The following RBL2 variants were observed in gnomAD, a reference collection of about 807,000 sequenced individuals.
RBL2 encodes the protein RB transcriptional corepressor like 2, also known as retinoblastoma-like protein 2.
Under a neutral mutation model 126.0 loss-of-function variants are expected in RBL2, and 56 were observed. The ratio of observed to expected loss-of-function variants is 0.44; its 90% CI spans 0.36 to 0.56. The LOEUF (loss-of-function observed/expected upper bound fraction) is 0.56, where lower values mean the gene tolerates loss of function less well. Ranked by LOEUF, RBL2 falls within the 20% of genes least tolerant of loss-of-function variation. The pLI, the probability that RBL2 is intolerant of heterozygous loss-of-function variation, is 0.00. For missense variants in RBL2, 1,229 were observed against 1,398.2 expected (o/e 0.88, Z 1.93); for synonymous variants, 454 against 478.5 (o/e 0.95, Z 0.67).
chr16:53,488,344 A>C (rs1278624670), intron 21 of RBL2: 2 of 152,256 alleles, frequency 1.3e-5, no homozygotes, highest in South Asian at 4.1e-4. Context: ...GGAAAAGGCA[A>C]AACTATTGGA....
chr16:53,458,307 T>C (rs1270855537), intron 8 of RBL2, among the ~76,000 whole-genome samples: 1 of 152,230 alleles, frequency 6.6e-6, no homozygotes, highest in Non-Finnish European at 1.5e-5. Flanking sequence ...TTAAAAGACA[T>C]TGTTAAGCTA....
chr16:53,466,329 A>G (rs181717423), intron 13 of RBL2, among the ~76,000 whole-genome samples: 79 of 152,096 alleles, frequency 5.2e-4, no homozygotes, highest in African/African-American at 1.5e-3. Flanking sequence ...ATGGAAGACA[A>G]TTTTTCCATG....
chr16:53,459,474 A>G lies in RBL2; in HGVS notation c.1203A>G (p.Thr401=). Residue 401 remains threonine (T), a synonymous_variant, in exon 9 of 22, where the codon ACA becomes ACG. Coordinates refer to ENST00000262133, the MANE Select transcript of RBL2 (RefSeq NM_005611.4). ...FDKSKALRIS[T]PLTGVRYIKE... ...AGTCCAAAGCACTTAGAATCTCCACACCACTAACTGGTGTTAGGTACATTA... is the reference window on the plus strand; with the variant it reads ...AGTCCAAAGCACTTAGAATCTCCACGCCACTAACTGGTGTTAGGTACATTA... The G allele has an allele frequency of 6.2e-7, 1 of 1,613,076 alleles. No homozygotes were observed. The highest frequency in any genetic ancestry group is 8.5e-7 in the Non-Finnish European group (1 of 1,179,558).
At position 53,479,968 on chromosome 16, in the gene RBL2, C is replaced by A; in HGVS notation, c.2858C>A (p.Pro953Gln). ...SSDSRSHQNSPTELNKDRTSR... is the reference protein window; with the variant it reads ...SSDSRSHQNSQTELNKDRTSR... ...GATAGCAGAAGCCATCAGAATTCTC[C>A]AACAGAACTAAACAAAGATAGAAGT... Residue 953 changes from proline to glutamine, a missense_variant, in exon 19 of 22, where the codon CCA (proline) becomes CAA (glutamine). Coordinates refer to ENST00000262133, the MANE Select transcript of RBL2 (RefSeq NM_005611.4). 1 of 1,605,750 alleles carries A rather than the reference C, an allele frequency of 6.2e-7. No homozygotes were observed. The highest frequency in any genetic ancestry group is 8.5e-7 in the Non-Finnish European group (1 of 1,174,974).
intron 21 of RBL2, among the ~76,000 whole-genome samples, chr16:53,482,899 C>T (rs544480556): frequency 9.0e-4 from 136 of 150,880 alleles, no homozygotes; most frequent in African/African-American, 3.1e-3. Flanking sequence ...GGTAAGAGGA[C>T]GGGGAAGGTA....
In RBL2 at chr16:53,490,233, G is replaced by T; in HGVS notation, c.3353G>T (p.Cys1118Phe). Residue 1118 changes from cysteine to phenylalanine, a missense_variant, in exon 22 of 22, where the codon TGC becomes TTC. Coordinates refer to ENST00000262133, the MANE Select transcript of RBL2 (RefSeq NM_005611.4). ...AGTGAATCACCTGCAAAAAGAATTT[G>T]CCCAGAAAATCATTCTGCCTTATTA... Reference protein sequence around the residue: ...DGSESPAKRICPENHSALLRR... With the variant: ...DGSESPAKRIFPENHSALLRR... 1 of 1,612,550 alleles carries T rather than the reference G, an allele frequency of 6.2e-7. No individual in the cohort carries two copies. Among genetic ancestry groups the T allele is most frequent in the South Asian group, 1.1e-5 (1 of 90,746 alleles).
intron 2 of RBL2, among the ~76,000 whole-genome samples, chr16:53,440,405 G>A (rs1011850807): frequency 1.3e-5 from 2 of 152,014 alleles, no homozygotes; most frequent in Admixed American, 1.3e-4. Flanking sequence ...CAAAGAATCA[G>A]TATCTAGAAT....
intron 3 of RBL2, among the ~76,000 whole-genome samples, chr16:53,446,230 C>T (rs1307100143): frequency 1.3e-5 from 2 of 152,148 alleles, no homozygotes; most frequent in South Asian, 2.1e-4. Context: ...CTTTTAAAAG[C>T]AGAACACTGA....
At chr16:53,447,238 T>C (rs1022427010) in intron 4 of RBL2, 132 bp downstream of exon 4, 2 of 488,614 alleles carry the variant, frequency 4.1e-6, no homozygotes, top group Non-Finnish European at 7.2e-6. Context: ...TAATCCTAGA[T>C]TCTTTTTTAA....
intron 12 of RBL2, chr16:53,464,610 A>G (rs927592086): frequency 3.3e-6 from 1 of 301,584 alleles, no homozygotes; most frequent in African/African-American, 2.2e-5. Flanking sequence ...TTTTTAGAAT[A>G]CTGTGATTTT....
chr16:53,483,254 A>G (rs1010285680), intron 21 of RBL2, among the ~76,000 whole-genome samples: 2 of 152,166 alleles, frequency 1.3e-5, no homozygotes, highest in Non-Finnish European at 2.9e-5. Context: ...TAGGCTTGCA[A>G]TCTTTTAAAA....
At chr16:53,463,669 A>G (rs537365457) in intron 11 of RBL2, among the ~76,000 whole-genome samples, 86 of 146,310 alleles carry the variant, frequency 5.9e-4, no homozygotes, top group African/African-American at 2.2e-3. Context: ...CCTGGGTTCA[A>G]TTGCTTCTCC....
intron 21 of RBL2, among the ~76,000 whole-genome samples, chr16:53,483,926 T>TAAA (rs77395902): frequency 2.7e-4 from 36 of 130,998 alleles, no homozygotes; most frequent in African/African-American, 8.8e-4. Flanking sequence ...CCTATCATAG[T>TAAA]AAAAAAAAAA....
In RBL2 at chr16:53,470,423, C is replaced by T. The variant is rs747889495; in HGVS notation, c.2286C>T (p.Val762=). Residue 762 remains valine (V), a synonymous_variant, in exon 16 of 22, where the codon GTC becomes GTT. Coordinates refer to ENST00000262133, the MANE Select transcript of RBL2 (RefSeq NM_005611.4). ...NENGGITFFP[V]QVNVGGQAQA... Reference sequence around the variant, plus strand: ...ATGGAGGGATAACATTCTTCCCTGTCCAAGTCAATGTTGGGGGGCAGGCAC... The same window carrying T: ...ATGGAGGGATAACATTCTTCCCTGTTCAAGTCAATGTTGGGGGGCAGGCAC... The T allele has an allele frequency of 5.8e-5, 93 of 1,614,006 alleles. 2 individuals are homozygous for T. The South Asian group carries it at 9.9e-4, about 17-fold the overall frequency.
intron 8 of RBL2, among the ~76,000 whole-genome samples, chr16:53,455,642 A>C (rs551422442): frequency 2.2e-4 from 33 of 152,268 alleles, no homozygotes; most frequent in African/African-American, 7.7e-4. Flanking sequence ...AGTAATACAA[A>C]ATATTGAGGG....
chr16:53,466,901 GT>G (rs936884084), intron 13 of RBL2, 156 bp from the exon 14 acceptor site: 912 of 565,322 alleles, frequency 1.6e-3, no homozygotes, highest in Non-Finnish European at 1.9e-3. Context: ...ACTGCCAAAA[GT>G]TTTTTTTTTA....
chr16:53,479,108 T>C (rs369863415), intron 17 of RBL2, 46 bp from the exon 18 acceptor site: 9 of 1,452,038 alleles, frequency 6.2e-6, no homozygotes, highest in Middle Eastern at 1.7e-4. Context: ...CACACTATTA[T>C]GGTGGTAGTT....
rs1276127635 is a variant in RBL2, at chr16:53,461,726, C to T, written c.1347-15C>T. 11 of 1,544,222 alleles carry T rather than the reference C, an allele frequency of 7.1e-6. No homozygotes were observed. The highest frequency in any genetic ancestry group is 9.6e-6 in the Non-Finnish European group (11 of 1,142,346). ...AAGACCTTTAAATTATGTTATTTCT[C>T]ATTACCTTTTTTAGGACATGTTCCA... is the stretch of plus-strand genomic sequence containing the variant. On this transcript the variant is annotated splice_polypyrimidine_tract_variant and intron_variant, in intron 9 of 21. Coordinates refer to ENST00000262133, the MANE Select transcript of RBL2 (RefSeq NM_005611.4).
intron 21 of RBL2, among the ~76,000 whole-genome samples, chr16:53,485,513 G>A (rs992137448): frequency 3.9e-5 from 6 of 152,142 alleles, no homozygotes; most frequent in African/African-American, 1.4e-4. Context: ...AGGACTCACT[G>A]AAATGGAAAA....
Sources: allele counts gnomAD v4.1 joint callset (sites outside exome capture counted in the v4.1 genomes callset), GRCh38; gene constraint gnomAD v4.1.1; transcripts MANE v1.5; gene names NCBI Gene and HGNC (gene_info 2026-07-23, HGNC 2026-07-21).